The following TLE4 variants were observed in gnomAD, a reference collection of about 807,000 sequenced individuals.
TLE4 encodes TLE family member 4, transcriptional corepressor, also known as transducin-like enhancer protein 4.
Under a neutral mutation model 92.8 loss-of-function variants are expected in TLE4, and 8 were observed. The observed-to-expected ratio is 0.09, with a 90% CI of 0.05 to 0.16. The LOEUF is 0.16. Ranked by LOEUF, TLE4 falls within the 10% of genes least tolerant of loss-of-function variation. The probability of loss-of-function intolerance (pLI) is 1.00; values close to 1 mark genes in which losing one functional copy is unlikely to be tolerated. For missense variants in TLE4, 675 were observed against 997.6 expected (o/e 0.68, Z 4.36); for synonymous variants, 371 against 374.1 (o/e 0.99, Z 0.10).
At position 79,606,958 on chromosome 9, in the gene TLE4, C is replaced by T. The variant is rs374595430; in HGVS notation, c.253-5698C>T. On this transcript the variant is annotated intron_variant, in intron 4 of 19. Coordinates refer to ENST00000376552, the MANE Select transcript of TLE4 (RefSeq NM_007005.6). ...ATCCTTGAGGACTCGCCACACTGTC[C>T]TCCACAATGGTTGAACTAATTTACA... is the stretch of plus-strand genomic sequence containing the variant. Among the ~76,000 whole-genome samples, 44 of 152,190 alleles carry T rather than the reference C, an allele frequency of 2.9e-4. No individual in the cohort carries two copies. The South Asian group carries it at 6.4e-3, about 22-fold the overall frequency.
intron 8 of TLE4, among the ~76,000 whole-genome samples, chr9:79,678,000 C>T (rs1588135709): frequency 6.6e-6 from 1 of 152,230 alleles, no homozygotes; most frequent in Non-Finnish European, 1.5e-5. Flanking sequence ...AATTCAGTAG[C>T]TTGTTAACAA....
At position 79,572,663 on chromosome 9, in the gene TLE4, C is replaced by G. The variant is rs2036117269; in HGVS notation, c.-128C>G. 2.5e-6 allele frequency: 2 copies of G among 808,532 alleles called. No individual in the cohort carries two copies. Among genetic ancestry groups the G allele is most frequent in the South Asian group, 1.9e-5 (1 of 52,572 alleles). The allele number at this position is 808,532 out of a possible 1,614,324, so 50.1% of individuals were successfully genotyped here. A position where few individuals can be genotyped will look rare whatever the true frequency, so the allele number is the denominator to read the frequency against. ...GTGTCACGCGAGACCCGGCGGGGGC[C>G]GGGACCGCCCGAGCCGCCCCTCAGA... On this transcript the variant is annotated 5_prime_UTR_variant, in exon 1 of 20. Transcript: ENST00000376552.
chr9:79,573,842 C>G (rs2036759282), intron 2 of TLE4, 56 bp downstream of exon 2: 1 of 1,283,870 alleles, frequency 7.8e-7, no homozygotes, highest in Admixed American at 2.0e-5. Context: ...GTCTCCCCGA[C>G]AAATACACAC....
chr9:79,700,786 T>C (rs1335203483), intron 8 of TLE4, among the ~76,000 whole-genome samples: 2 of 152,172 alleles, frequency 1.3e-5, no homozygotes, highest in African/African-American at 4.8e-5. Context: ...TTGCTTTCTC[T>C]GGATCAGCCA....
intron 8 of TLE4, among the ~76,000 whole-genome samples, chr9:79,703,596 T>C (rs2070596351): frequency 6.6e-6 from 1 of 152,126 alleles, no homozygotes; most frequent in Non-Finnish European, 1.5e-5. Context: ...CCACGTCTCT[T>C]GTGTGTATAG....
At chr9:79,604,948 C>T (rs370899442) in intron 4 of TLE4, among the ~76,000 whole-genome samples, 1 of 151,776 alleles carries the variant, frequency 6.6e-6, no homozygotes, top group Non-Finnish European at 1.5e-5. Flanking sequence ...TGTAAATCAG[C>T]ATTCAAAGAC....
intron 19 of TLE4, among the ~76,000 whole-genome samples, 155 bp from the exon 20 acceptor site, chr9:79,724,880 AAG>A (rs1554811330): frequency 5.4e-5 from 8 of 148,688 alleles, no homozygotes; most frequent in Non-Finnish European, 8.9e-5. Context: ...AAAAAAAAAA[AAG>A]CAGCAGTACT....
chr9:79,653,641 C>T (rs745870972), intron 7 of TLE4, among the ~76,000 whole-genome samples: 14 of 152,150 alleles, frequency 9.2e-5, no homozygotes, highest in Non-Finnish European at 1.6e-4. Context: ...GCTCATACCC[C>T]TGTTTCAGCA....
At chr9:79,692,506 GA>G (rs1489197933) in intron 8 of TLE4, among the ~76,000 whole-genome samples, 1 of 152,202 alleles carries the variant, frequency 6.6e-6, no homozygotes, top group African/African-American at 2.4e-5. Flanking sequence ...ATCATGAAAG[GA>G]AGGGCGGTAT....
chr9:79,640,436 C>G lies in TLE4; in HGVS notation c.391-12157C>G, dbSNP rs1001670730. 2.0e-5 allele frequency among the ~76,000 whole-genome samples: 3 copies of G among 151,466 alleles called. No homozygotes were observed. In the East Asian group the frequency reaches 5.8e-4, roughly 29 times the overall value. ...GTGTGGCTTTTAATTTTTTTTTTCA[C>G]TCCGCCTATCTTCATTTAACATATA... On this transcript the variant is annotated intron_variant, in intron 6 of 19. Coordinates refer to ENST00000376552, the MANE Select transcript of TLE4 (RefSeq NM_007005.6).
At chr9:79,640,961 A>G (rs1004606792) in intron 6 of TLE4, among the ~76,000 whole-genome samples, 50 of 152,098 alleles carry the variant, frequency 3.3e-4, no homozygotes, top group African/African-American at 1.1e-3. Context: ...ATTCACTTGT[A>G]TATGTCAGAA....
At chr9:79,573,974 T>A (rs2036840410) in intron 2 of TLE4, 188 bp downstream of exon 2, 1 of 393,268 alleles carries the variant, frequency 2.5e-6, no homozygotes, top group Non-Finnish European at 4.5e-6. Context: ...ATTAAACATT[T>A]CTTCTACCGT....
chr9:79,583,491 C>T (rs926523779), intron 4 of TLE4, among the ~76,000 whole-genome samples: 1 of 152,146 alleles, frequency 6.6e-6, no homozygotes, highest in Non-Finnish European at 1.5e-5. Flanking sequence ...AATACTCTAT[C>T]CCCAACCTGG....
intron 4 of TLE4, chr9:79,580,098 C>T (rs949343602): frequency 2.0e-5 from 3 of 152,116 alleles, no homozygotes; most frequent in Non-Finnish European, 2.9e-5. Context: ...TTGAAGAGGC[C>T]GACTGCTGCC....
intron 4 of TLE4, among the ~76,000 whole-genome samples, chr9:79,596,036 C>T (rs145427142): frequency 0.021 from 3,155 of 151,980 alleles, 111 homozygotes; most frequent in African/African-American, 0.069. Flanking sequence ...TTAGTAGAGA[C>T]AGGGTTTCAC....
At chr9:79,724,755 A>G (rs553623548) in intron 19 of TLE4, among the ~76,000 whole-genome samples, 2 of 144,770 alleles carry the variant, frequency 1.4e-5, no homozygotes, top group Non-Finnish European at 3.0e-5. Flanking sequence ...ACTGAGGTGG[A>G]AGGATTGCTT....
intron 4 of TLE4, among the ~76,000 whole-genome samples, chr9:79,605,166 C>T (rs541290838): frequency 2.0e-5 from 3 of 152,174 alleles, no homozygotes; most frequent in Admixed American, 6.6e-5. Flanking sequence ...GTTCTCTGAC[C>T]GGTTCCACCT....
At chr9:79,637,333 A>G (rs944441171) in intron 6 of TLE4, among the ~76,000 whole-genome samples, 1 of 152,236 alleles carries the variant, frequency 6.6e-6, no homozygotes, top group African/African-American at 2.4e-5. Context: ...ACAAATAATG[A>G]AACCAAGGGC....
At chr9:79,586,053 G>A (rs368114643) in intron 4 of TLE4, among the ~76,000 whole-genome samples, 1 of 141,312 alleles carries the variant, frequency 7.1e-6, no homozygotes, top group Non-Finnish European at 1.6e-5. Context: ...AAAGTGATTA[G>A]TTTTTGTACT....
Sources: gnomAD v4.1 joint callset for allele counts (sites outside exome capture counted in the v4.1 genomes callset) on GRCh38, gnomAD v4.1.1 for gene constraint, MANE v1.5 for transcripts, NCBI Gene and HGNC (gene_info 2026-07-23, HGNC 2026-07-21) for gene names.